The following KCNMB2 variants were observed in gnomAD, a reference collection of about 807,000 sequenced individuals.
The protein encoded by KCNMB2 is calcium-activated potassium channel subunit beta-2.
Under a neutral mutation model 24.5 loss-of-function variants are expected in KCNMB2, and 9 were observed. That is an observed-to-expected ratio of 0.37 (90% confidence interval 0.22 to 0.64). The LOEUF is 0.64. Ranked by LOEUF, KCNMB2 falls within the 30% of genes least tolerant of loss-of-function variation. KCNMB2 has a pLI of 0.63. For synonymous variants in KCNMB2, 109 were observed against 104.4 expected (o/e 1.04, Z -0.27); for missense variants, 226 against 284.3 (o/e 0.79, Z 1.47).
At chr3:178,588,289 A>T (rs1349718537) in intron 1 of KCNMB2, among the ~76,000 whole-genome samples, 2 of 152,134 alleles carry the variant, frequency 1.3e-5, no homozygotes, top group Non-Finnish European at 2.9e-5. Context: ...CTCTGTCACC[A>T]TTACCTGAGG....
intron 1 of KCNMB2, among the ~76,000 whole-genome samples, chr3:178,575,021 T>C (rs1010033244): frequency 2.0e-5 from 3 of 152,042 alleles, no homozygotes; most frequent in Non-Finnish European, 4.4e-5. Flanking sequence ...TGAGCCAAGA[T>C]CACGCCACTG....
At chr3:178,753,586 A>C (rs919660871) in intron 1 of KCNMB2, among the ~76,000 whole-genome samples, 1 of 152,200 alleles carries the variant, frequency 6.6e-6, no homozygotes, top group African/African-American at 2.4e-5. Flanking sequence ...GTTATCAAAA[A>C]AAAGAGTTTC....
intron 1 of KCNMB2, among the ~76,000 whole-genome samples, chr3:178,620,140 T>C (rs1718856001): frequency 6.6e-6 from 1 of 152,194 alleles, no homozygotes; most frequent in Non-Finnish European, 1.5e-5. Flanking sequence ...TATGTTCCTA[T>C]GCTTGAATAT....
chr3:178,728,966 T>TA (rs1446168089), intron 1 of KCNMB2, among the ~76,000 whole-genome samples: 2 of 152,180 alleles, frequency 1.3e-5, no homozygotes, highest in Non-Finnish European at 2.9e-5. Context: ...TACATAGCTC[T>TA]ACTTAACTCT....
intron 1 of KCNMB2, among the ~76,000 whole-genome samples, chr3:178,608,321 G>C (rs1279000617): frequency 2.0e-5 from 3 of 152,130 alleles, no homozygotes; most frequent in Admixed American, 6.5e-5. Context: ...GCTCAAATTG[G>C]CTCTGAATTC....
intron 1 of KCNMB2, among the ~76,000 whole-genome samples, chr3:178,750,246 G>C (rs1436991105): frequency 6.6e-6 from 1 of 151,988 alleles, no homozygotes; most frequent in African/African-American, 2.4e-5. Flanking sequence ...AATAGGGCAT[G>C]GTGATGTAGG....
intron 1 of KCNMB2, among the ~76,000 whole-genome samples, chr3:178,722,143 T>C (rs1427411873): frequency 1.3e-5 from 2 of 152,210 alleles, no homozygotes; most frequent in Non-Finnish European, 2.9e-5. Flanking sequence ...CCATTTTTTT[T>C]CTAAAAGTTT....
chr3:178,668,862 A>C (rs1365804844), intron 1 of KCNMB2, among the ~76,000 whole-genome samples: 1 of 152,202 alleles, frequency 6.6e-6, no homozygotes, highest in African/African-American at 2.4e-5. Flanking sequence ...TTTTAAAAAA[A>C]TACTTAAGAC....
chr3:178,600,426 C>T (rs545290118), intron 1 of KCNMB2, among the ~76,000 whole-genome samples: 1 of 152,124 alleles, frequency 6.6e-6, no homozygotes, highest in Admixed American at 6.6e-5. Flanking sequence ...AATAGATAAC[C>T]AGAAGTAGAA....
chr3:178,734,366 T>C (rs377678383), intron 1 of KCNMB2, among the ~76,000 whole-genome samples: 2 of 152,216 alleles, frequency 1.3e-5, no homozygotes, highest in East Asian at 1.9e-4. Flanking sequence ...GGATGCTCAA[T>C]TGTATCTTGT....
chr3:178,754,193 T>C lies in KCNMB2; in HGVS notation c.-67-53150T>C, dbSNP rs13096058. Among the ~76,000 whole-genome samples the C allele has an allele frequency of 5.2e-3, 379 of 73,098 alleles. 6 individuals are homozygous for C. The South Asian group carries it at 0.06, about 12-fold the overall frequency. The allele number at this position is 73,098 out of a possible 152,430, so 48.0% of individuals were successfully genotyped here. A position where few individuals can be genotyped will look rare whatever the true frequency, so the allele number is the denominator to read the frequency against. ...ATATATATATACACACACACACACA[T>C]ACATATATATATATATATCACATTT... On this transcript the variant is annotated intron_variant, in intron 1 of 4. Transcript: ENST00000452583.
chr3:178,739,034 A>T (rs973753837), intron 1 of KCNMB2, among the ~76,000 whole-genome samples: 2 of 151,970 alleles, frequency 1.3e-5, no homozygotes, highest in Admixed American at 6.6e-5. Context: ...ATTGATATGT[A>T]GTAAGGAAAA....
At chr3:178,834,599 T>C (rs1336449218) in intron 4 of KCNMB2, among the ~76,000 whole-genome samples, 1 of 152,068 alleles carries the variant, frequency 6.6e-6, no homozygotes, top group Non-Finnish European at 1.5e-5. Context: ...CACCAGTTTA[T>C]GTAGAGTGGA....
At chr3:178,537,423 G>C (rs1161757925) in intron 1 of KCNMB2, 2 of 152,210 alleles carry the variant, frequency 1.3e-5, no homozygotes, top group South Asian at 2.1e-4. Context: ...TGATTAGTTA[G>C]AGGTTATGGA....
chr3:178,612,771 C>T (rs1718528427), intron 1 of KCNMB2, among the ~76,000 whole-genome samples: 2 of 151,994 alleles, frequency 1.3e-5, no homozygotes, highest in African/African-American at 4.8e-5. Flanking sequence ...TTAATCCTGT[C>T]ATTTTGTTAT....
At chr3:178,587,155 A>G (rs1388813142) in intron 1 of KCNMB2, among the ~76,000 whole-genome samples, 3 of 152,060 alleles carry the variant, frequency 2.0e-5, no homozygotes, top group Non-Finnish European at 4.4e-5. Flanking sequence ...TGGTCTATTT[A>G]TCTATTCCTC....
intron 1 of KCNMB2, among the ~76,000 whole-genome samples, chr3:178,751,248 A>G (rs1342627017): frequency 1.3e-5 from 2 of 152,138 alleles, no homozygotes; most frequent in Non-Finnish European, 2.9e-5. Flanking sequence ...TAGTTCAGAG[A>G]CAAATAGATA....
chr3:178,828,499 C>A, intron 4 of KCNMB2, 126 bp downstream of exon 4: 1 of 639,118 alleles, frequency 1.6e-6, no homozygotes, highest in South Asian at 2.2e-5. Flanking sequence ...CCTGCCTCTT[C>A]CATTCAGAGA....
At chr3:178,555,444 A>G (rs938539267) in intron 1 of KCNMB2, among the ~76,000 whole-genome samples, 1 of 152,232 alleles carries the variant, frequency 6.6e-6, no homozygotes, top group Non-Finnish European at 1.5e-5. Flanking sequence ...ATCAGTTTCT[A>G]CATCTATAAA....
Sources: allele counts gnomAD v4.1 joint callset (sites outside exome capture counted in the v4.1 genomes callset), GRCh38; gene constraint gnomAD v4.1.1; transcripts MANE v1.5; gene names NCBI Gene and HGNC (gene_info 2026-07-23, HGNC 2026-07-21).